Variants in NCAM1 observed in about 807,000 individuals in gnomAD.
NCAM1 encodes antigen recognized by monoclonal antibody 5.1H11.
A neutral mutation model predicts 109.8 loss-of-function variants in NCAM1; 14 were observed. The ratio of observed to expected loss-of-function variants is 0.13; its 90% CI spans 0.08 to 0.20. The LOEUF is 0.20. NCAM1 is among the 10% of genes least tolerant of loss of function. The probability of loss-of-function intolerance (pLI) is 1.00; values close to 1 mark genes in which losing one functional copy is unlikely to be tolerated. For synonymous variants in NCAM1, 418 were observed against 442.9 expected, an observed-to-expected ratio of 0.94 and a Z score of 0.70; for missense variants, 774 against 1,109.9, an observed-to-expected ratio of 0.70 and a Z score of 4.30.
intron 5 of NCAM1, among the ~76,000 whole-genome samples, 175 bp downstream of exon 5, chr11:113,206,355 T>TA (rs1272588753): frequency 6.5e-4 from 99 of 151,334 alleles, no homozygotes; most frequent in African/African-American, 2.2e-3. Flanking sequence ...TTTTTTTTTT[T>TA]AATATACTTG....
intron 1 of NCAM1, among the ~76,000 whole-genome samples, chr11:113,037,270 A>T (rs983766358): frequency 6.6e-6 from 1 of 152,202 alleles, no homozygotes; most frequent in Non-Finnish European, 1.5e-5. Flanking sequence ...AAGCTCGGAA[A>T]AGTTACAGGA....
At chr11:113,184,324 GA>G (rs1943427340) in intron 1 of NCAM1, among the ~76,000 whole-genome samples, 1 of 152,304 alleles carries the variant, frequency 6.6e-6, no homozygotes, top group East Asian at 1.9e-4. Flanking sequence ...TGCACCTGTA[GA>G]GGTTTAAAAT....
intron 1 of NCAM1, among the ~76,000 whole-genome samples, chr11:113,049,472 A>G (rs1555081442): frequency 6.6e-6 from 1 of 152,194 alleles, no homozygotes. Flanking sequence ...GTAATGAGTT[A>G]ATAATAATTA....
At chr11:113,196,621 C>A (rs182484936) in intron 1 of NCAM1, among the ~76,000 whole-genome samples, 167 of 152,272 alleles carry the variant, frequency 1.1e-3, no homozygotes, top group Admixed American at 6.9e-3. Context: ...GAGGATGGTT[C>A]TGTTTTTCCC....
At chr11:112,993,439 T>A (rs1240320480) in intron 1 of NCAM1, among the ~76,000 whole-genome samples, 4 of 152,154 alleles carry the variant, frequency 2.6e-5, no homozygotes, top group African/African-American at 9.7e-5. Flanking sequence ...AGACCCCACC[T>A]CCAGCATTGG....
chr11:113,241,437 C>T (rs1343063728), intron 14 of NCAM1, among the ~76,000 whole-genome samples: 1 of 152,160 alleles, frequency 6.6e-6, no homozygotes, highest in Non-Finnish European at 1.5e-5. Flanking sequence ...TTGTTTATCT[C>T]CTCTGTAAAA....
intron 8 of NCAM1, among the ~76,000 whole-genome samples, chr11:113,216,294 C>T (rs1032879427): frequency 3.3e-5 from 5 of 151,880 alleles, no homozygotes; most frequent in African/African-American, 9.7e-5. Flanking sequence ...GGACTACAGG[C>T]GCCCGCCACC....
chr11:113,070,202 G>C (rs1938196098), intron 1 of NCAM1, among the ~76,000 whole-genome samples: 1 of 152,072 alleles, frequency 6.6e-6, no homozygotes, highest in Admixed American at 6.5e-5. Flanking sequence ...TGAATGACGT[G>C]ATTATGCTTG....
chr11:113,030,107 A>T (rs1952670482), intron 1 of NCAM1, among the ~76,000 whole-genome samples: 1 of 152,202 alleles, frequency 6.6e-6, no homozygotes, highest in Admixed American at 6.5e-5. Flanking sequence ...CAGGCAAGTT[A>T]TTTAAAACTT....
At chr11:113,234,162 A>G (rs926890167) in intron 13 of NCAM1, among the ~76,000 whole-genome samples, 1 of 151,848 alleles carries the variant, frequency 6.6e-6, no homozygotes, top group Admixed American at 6.6e-5. Flanking sequence ...GATTGGAGCC[A>G]GAAGAAAGCA....
At chr11:113,190,727 C>T (rs1943651368) in intron 1 of NCAM1, among the ~76,000 whole-genome samples, 1 of 152,184 alleles carries the variant, frequency 6.6e-6, no homozygotes, top group African/African-American at 2.4e-5. Context: ...TGCTCTACCT[C>T]CTTCAAAATT....
intron 1 of NCAM1, among the ~76,000 whole-genome samples, chr11:113,165,812 G>A (rs1451318704): frequency 4.5e-5 from 5 of 110,232 alleles, no homozygotes; most frequent in East Asian, 2.8e-4. Context: ...TAGCAAAACC[G>A]ACTGATTTTT....
chr11:113,059,405 G>A (rs961509537), intron 1 of NCAM1, among the ~76,000 whole-genome samples: 6 of 152,148 alleles, frequency 3.9e-5, no homozygotes, highest in South Asian at 2.1e-4. Flanking sequence ...GGATTTAATT[G>A]GAAATTTTGT....
At chr11:113,232,629 T>C in intron 11 of NCAM1, 89 bp from the exon 12 acceptor site, 1 of 1,134,676 alleles carries the variant, frequency 8.8e-7, no homozygotes, top group Non-Finnish European at 1.3e-6. Context: ...CTAGTTCTGT[T>C]TTTTACTAAC....
intron 1 of NCAM1, among the ~76,000 whole-genome samples, chr11:113,093,930 G>T (rs549918048): frequency 6.6e-6 from 1 of 152,126 alleles, no homozygotes; most frequent in African/African-American, 2.4e-5. Context: ...GCTGCAGTGT[G>T]CTGTGCTTCT....
chr11:112,996,771 C>G (rs1327222210), intron 1 of NCAM1, among the ~76,000 whole-genome samples: 1 of 152,158 alleles, frequency 6.6e-6, no homozygotes, highest in Non-Finnish European at 1.5e-5. Context: ...TAGTTTGCTA[C>G]TTTTAGCTGA....
In NCAM1 at chr11:113,125,056, C is replaced by G. The variant is rs1352234671; in HGVS notation, c.53-77323C>G. The stretch of plus-strand genomic sequence containing the variant: ...TCTATTAGTACTCTAATTAAATCAG[C>G]CTTCTAATCAGACAACTTATAAAAT... On this transcript the variant is annotated intron_variant, in intron 1 of 19. Coordinates refer to ENST00000316851, the MANE Select transcript of NCAM1 (RefSeq NM_181351.5). Among the ~76,000 whole-genome samples, 6 of 152,226 alleles carry G rather than the reference C, an allele frequency of 3.9e-5. No individual in the cohort carries two copies. The South Asian group carries it at 1.2e-3, about 32-fold the overall frequency.
chr11:113,117,188 G>A (rs1940750453), intron 1 of NCAM1, among the ~76,000 whole-genome samples: 1 of 151,888 alleles, frequency 6.6e-6, no homozygotes, highest in Admixed American at 6.6e-5. Context: ...GCCATTTAGT[G>A]GCCAGCAAAA....
At chr11:113,239,110 C>A (rs1281272522) in intron 14 of NCAM1, among the ~76,000 whole-genome samples, 1 of 152,200 alleles carries the variant, frequency 6.6e-6, no homozygotes, top group African/African-American at 2.4e-5. Context: ...CTCTTGTTTT[C>A]AAGCTGCCAG....
Sources: gnomAD v4.1 joint callset for allele counts (sites outside exome capture counted in the v4.1 genomes callset) on GRCh38, gnomAD v4.1.1 for gene constraint, MANE v1.5 for transcripts, NCBI Gene and HGNC (gene_info 2026-07-23, HGNC 2026-07-21) for gene names.